SMG6: variants seen among roughly 807,000 people sequenced by gnomAD.
SMG6 encodes SMG6 nonsense mediated mRNA decay factor.
A neutral mutation model predicts 142.2 loss-of-function variants in SMG6; 66 were observed. That is an observed-to-expected ratio of 0.46 (90% CI 0.38 to 0.57). The LOEUF (loss-of-function observed/expected upper bound fraction) is 0.57. Ranked by LOEUF, SMG6 falls within the 20% of genes least tolerant of loss-of-function variation. The pLI is 0.00. For missense variants in SMG6, 1,793 were observed against 1,832.0 expected (o/e 0.98, Z 0.39); for synonymous variants, 779 against 702.4 (o/e 1.11, Z -1.72).
Position 2,292,959 on chromosome 17 carries a change from T to C in SMG6, c.2170A>G (p.Ser724Gly), listed in dbSNP as rs1355909793. Residue 724 changes from serine (S) to glycine (G), a missense_variant, in exon 5 of 19, where the codon AGT becomes GGT. Ser to Gly is a moderately conservative substitution (Grantham distance 56). Around this residue, in one of 3 missense-constraint regions of SMG6, gnomAD observed 1,597 missense variants for 1,584.6 expected, o/e 1.01. Coordinates refer to ENST00000263073, the MANE Select transcript of SMG6 (RefSeq NM_017575.5). Reference sequence around the variant, plus strand: ...TGGCATATCATGCATCGCTGGGCACTGATCAAGGCATATTTTACCTTCAGG... The same window carrying C: ...TGGCATATCATGCATCGCTGGGCACCGATCAAGGCATATTTTACCTTCAGG... ...LRKTVKYALI[S>G]AQRCMICQGD... 1.2e-6 allele frequency: 2 copies of C among 1,613,946 alleles called. No homozygotes were observed. The highest frequency in any genetic ancestry group is 2.2e-5 in the South Asian group (2 of 91,086).
intron 8 of SMG6, among the ~76,000 whole-genome samples, chr17:2,253,345 G>A (rs1357415592): frequency 2.0e-5 from 3 of 151,840 alleles, no homozygotes; most frequent in African/African-American, 4.8e-5. Flanking sequence ...GGGTTTCACC[G>A]TGTTGACCAG....
intron 8 of SMG6, among the ~76,000 whole-genome samples, chr17:2,250,439 GT>G (rs2074021898): frequency 6.6e-6 from 1 of 151,104 alleles, no homozygotes; most frequent in South Asian, 2.1e-4. Flanking sequence ...CCAGACTGGA[GT>G]ACAGTGGCAC....
At chr17:2,089,922 G>A (rs1265555587) in intron 13 of SMG6, among the ~76,000 whole-genome samples, 2 of 152,074 alleles carry the variant, frequency 1.3e-5, no homozygotes, top group African/African-American at 2.4e-5. Flanking sequence ...GGTAGCTCAC[G>A]AATGTCATGT....
intron 4 of SMG6, among the ~76,000 whole-genome samples, chr17:2,296,771 C>A (rs1365173854): frequency 6.6e-6 from 1 of 152,028 alleles, no homozygotes; most frequent in African/African-American, 2.4e-5. Context: ...AGGCGGGTGG[C>A]TCACCGAAGG....
chr17:2,112,764 T>C (rs1186269170), intron 13 of SMG6, among the ~76,000 whole-genome samples: 3 of 148,814 alleles, frequency 2.0e-5, no homozygotes, highest in African/African-American at 7.3e-5. Context: ...ACTTTTTTTT[T>C]TTTTTTTTTT....
chr17:2,125,822 G>A (rs1280567485), intron 13 of SMG6, among the ~76,000 whole-genome samples: 1 of 151,984 alleles, frequency 6.6e-6, no homozygotes, highest in Admixed American at 6.6e-5. Flanking sequence ...GTGTGGTGGC[G>A]CATGCCTGTA....
intron 8 of SMG6, among the ~76,000 whole-genome samples, chr17:2,278,029 CAG>C: frequency 6.6e-6 from 1 of 152,060 alleles, no homozygotes; most frequent in African/African-American, 2.4e-5. Flanking sequence ...GCCTGGGAAA[CAG>C]AGGGAGATCC....
chr17:2,257,233 G>A (rs1012733536), intron 8 of SMG6, among the ~76,000 whole-genome samples: 3 of 151,874 alleles, frequency 2.0e-5, no homozygotes, highest in African/African-American at 7.3e-5. Context: ...CTACAGGCAC[G>A]TGCCACCACA....
chr17:2,283,576 G>T, intron 7 of SMG6, 49 bp downstream of exon 7: 4 of 1,452,102 alleles, frequency 2.8e-6, no homozygotes, highest in Non-Finnish European at 3.9e-6. Context: ...CAACACTCAG[G>T]GAAATGCACT....
intron 14 of SMG6, 37 bp from the exon 15 acceptor site, chr17:2,081,993 C>T: frequency 6.2e-7 from 1 of 1,611,990 alleles, no homozygotes; most frequent in Non-Finnish European, 8.5e-7. Flanking sequence ...AAAGAGGAGA[C>T]AGTTAGCTGG....
At chr17:2,212,082 G>GT (rs1462349475) in intron 10 of SMG6, among the ~76,000 whole-genome samples, 2 of 152,168 alleles carry the variant, frequency 1.3e-5, no homozygotes, top group Non-Finnish European at 2.9e-5. Flanking sequence ...TAATGCCAGC[G>GT]TGTCTGTTTG....
chr17:2,297,797 TA>T, intron 3 of SMG6, 65 bp downstream of exon 3: 1 of 1,538,862 alleles, frequency 6.5e-7, no homozygotes, highest in Non-Finnish European at 8.8e-7. Context: ...TTTCAGGTAG[TA>T]AAAATCCATC....
chr17:2,062,208 G>C (rs574669034), intron 18 of SMG6: 2 of 152,622 alleles, frequency 1.3e-5, no homozygotes, highest in Non-Finnish European at 2.9e-5. Flanking sequence ...TTGGCCAACC[G>C]GTCGCCCCTG....
intron 10 of SMG6, among the ~76,000 whole-genome samples, chr17:2,206,384 C>A (rs1460089421): frequency 1.3e-5 from 2 of 151,314 alleles, no homozygotes; most frequent in Non-Finnish European, 2.9e-5. Context: ...CCAGCCTGGG[C>A]AACATAGTGA....
chr17:2,161,655 A>T (rs560180233), intron 13 of SMG6, among the ~76,000 whole-genome samples: 1 of 152,008 alleles, frequency 6.6e-6, no homozygotes, highest in East Asian at 1.9e-4. Context: ...CTCCTAAATG[A>T]TGTAGATAAG....
chr17:2,165,147 T>A (rs1597501459), intron 13 of SMG6, among the ~76,000 whole-genome samples: 1 of 152,170 alleles, frequency 6.6e-6, no homozygotes, highest in South Asian at 2.1e-4. Flanking sequence ...CCATTCGCAA[T>A]GCTTCAGCAG....
chr17:2,234,677 T>C (rs1009408076), intron 10 of SMG6, among the ~76,000 whole-genome samples: 3 of 152,102 alleles, frequency 2.0e-5, no homozygotes, highest in Non-Finnish European at 2.9e-5. Context: ...TGAAAACAGA[T>C]GCTTCATGGG....
At chr17:2,292,819 T>A in intron 5 of SMG6, 52 bp downstream of exon 5, 5 of 1,542,340 alleles carry the variant, frequency 3.2e-6, no homozygotes, top group Non-Finnish European at 4.5e-6. Context: ...TTAGTAAGGC[T>A]TAGCTTAGAG....
chr17:2,173,407 C>T (rs2071565334), intron 12 of SMG6, among the ~76,000 whole-genome samples: 1 of 152,212 alleles, frequency 6.6e-6, no homozygotes, highest in Non-Finnish European at 1.5e-5. Flanking sequence ...AATCAATCAA[C>T]CAATCACACA....
Sources: allele counts gnomAD v4.1 joint callset (sites outside exome capture counted in the v4.1 genomes callset), GRCh38; gene constraint gnomAD v4.1.1; regional missense constraint gnomAD v4.1.1; transcripts MANE v1.5; gene names NCBI Gene and HGNC (gene_info 2026-07-23, HGNC 2026-07-21).